TNFRSF10B: variants seen among roughly 807,000 people sequenced by gnomAD.
The protein encoded by TNFRSF10B is TNF receptor superfamily member 10b.
In TNFRSF10B, 35 loss-of-function variants were observed where a neutral mutation model predicts 41.4. The observed-to-expected ratio is 0.85, with a 90% CI of 0.65 to 1.12. The LOEUF is 1.12. TNFRSF10B is among the 50% of genes most tolerant of loss of function. The probability of loss-of-function intolerance (pLI) is 0.00; values close to 1 mark genes in which losing one functional copy is unlikely to be tolerated. For synonymous variants in TNFRSF10B, 230 were observed against 215.5 expected (o/e 1.07, Z -0.59); for missense variants, 584 against 552.7 (o/e 1.06, Z -0.57).
At chr8:23,058,490 G>GA (rs1212520425) in intron 1 of TNFRSF10B, among the ~76,000 whole-genome samples, 2 of 129,548 alleles carry the variant, frequency 1.5e-5, no homozygotes, top group East Asian at 6.1e-4. Flanking sequence ...TTGTGTATTG[G>GA]CTTTTTTTTT....
intron 1 of TNFRSF10B, among the ~76,000 whole-genome samples, chr8:23,059,366 T>C (rs1022688071): frequency 6.6e-6 from 1 of 152,270 alleles, no homozygotes; most frequent in Admixed American, 6.5e-5. Flanking sequence ...GTGGGAATGA[T>C]GGATCATCTG....
At chr8:23,047,357 C>CAAA (rs71206564) in intron 1 of TNFRSF10B, among the ~76,000 whole-genome samples, 1 of 108,400 alleles carries the variant, frequency 9.2e-6, no homozygotes, top group Non-Finnish European at 2.0e-5. Context: ...AATTTCATCT[C>CAAA]AAAAAAAAAA....
intron 2 of TNFRSF10B, among the ~76,000 whole-genome samples, chr8:23,033,269 C>T (rs1811930808): frequency 1.3e-5 from 2 of 152,020 alleles, no homozygotes; most frequent in African/African-American, 4.8e-5. Flanking sequence ...TAGATAATAG[C>T]TCAAAGGCAT....
chr8:23,037,180 T>C (rs553788224), intron 2 of TNFRSF10B, among the ~76,000 whole-genome samples: 2 of 152,314 alleles, frequency 1.3e-5, no homozygotes, highest in East Asian at 1.9e-4. Context: ...AGTCAGCTTC[T>C]TTCCCAGCCA....
intron 3 of TNFRSF10B, 50 bp from the exon 4 acceptor site, chr8:23,029,771 T>C (rs562738331): frequency 1.3e-6 from 2 of 1,559,374 alleles, no homozygotes; most frequent in African/African-American, 1.3e-5. Context: ...GATGTGTCCC[T>C]TGACCCTTCC....
At chr8:23,040,571 TC>T (rs1420953458) in intron 2 of TNFRSF10B, among the ~76,000 whole-genome samples, 5 of 150,150 alleles carry the variant, frequency 3.3e-5, no homozygotes, top group South Asian at 2.1e-4. Context: ...TAAAGTTTTT[TC>T]AAAAGGTGAT....
At position 23,067,532 on chromosome 8, in the gene TNFRSF10B, A is replaced by C. The variant is rs191161058; in HGVS notation, c.144+1219T>G. 1.5e-3 allele frequency among the ~76,000 whole-genome samples: 222 copies of C among 152,284 alleles called. 4 individuals are homozygous for C. Among genetic ancestry groups the C allele is most frequent in the South Asian group, 0.011 (55 of 4,826 alleles). ...ATCTTTAAAAGCAGCCAGAGACCAA[A>C]GATCCACCACCCAAAGAGAGGCAAG... On this transcript the variant is annotated intron_variant, in intron 1 of 8. Coordinates refer to ENST00000276431, the MANE Select transcript of TNFRSF10B (RefSeq NM_003842.5).
chr8:23,020,964 C>A lies in TNFRSF10B; in HGVS notation c.*1707G>T, dbSNP rs781026746. The A allele has an allele frequency of 6.6e-6, 3 of 453,896 alleles. No homozygotes were observed. The highest frequency in any genetic ancestry group is 2.4e-5 in the Admixed American group (1 of 42,542). 28.1% of individuals were successfully genotyped at this position (453,896 alleles called of 1,614,324 possible). On this transcript the variant is annotated 3_prime_UTR_variant, in exon 9 of 9. Coordinates refer to ENST00000276431, the MANE Select transcript of TNFRSF10B (RefSeq NM_003842.5). ...GGAAGTGCAAAGACCAGAAAGGTCA[C>A]CCCCCACTCCTAAAACTCCACAGAC...
At chr8:23,034,104 T>C (rs1489236678) in intron 2 of TNFRSF10B, among the ~76,000 whole-genome samples, 2 of 152,214 alleles carry the variant, frequency 1.3e-5, no homozygotes, top group Non-Finnish European at 2.9e-5. Flanking sequence ...TTGATGTTAA[T>C]GGGCACACAA....
rs114897908 is a variant in TNFRSF10B at position 23,059,833 on chromosome 8, T to A, written c.144+8918A>T. Among the ~76,000 whole-genome samples the A allele has an allele frequency of 9.0e-3, 1,373 of 152,296 alleles. 28 individuals are homozygous for A. Among genetic ancestry groups the A allele is most frequent in the African/African-American group, 0.032 (1,320 of 41,562 alleles). ...GGCCTGTGTGTGTTTTTTATAATAG[T>A]CATCCTGATGGGTATAGGATGGTAT... is the stretch of plus-strand genomic sequence containing the variant. On this transcript the variant is annotated intron_variant, in intron 1 of 8. Transcript: ENST00000276431.
intron 1 of TNFRSF10B, among the ~76,000 whole-genome samples, chr8:23,065,506 T>C (rs1812956009): frequency 6.6e-6 from 1 of 152,148 alleles, no homozygotes; most frequent in East Asian, 1.9e-4. Flanking sequence ...GAGACTAGAT[T>C]GTGGACCACT....
At chr8:23,036,387 CT>C (rs1812030543) in intron 2 of TNFRSF10B, among the ~76,000 whole-genome samples, 1 of 152,196 alleles carries the variant, frequency 6.6e-6, no homozygotes, top group South Asian at 2.1e-4. Context: ...ATATTACTTT[CT>C]TTTGCCTGGC....
chr8:23,058,470 C>G (rs928800816), intron 1 of TNFRSF10B, among the ~76,000 whole-genome samples: 2 of 150,390 alleles, frequency 1.3e-5, no homozygotes, highest in African/African-American at 4.9e-5. Flanking sequence ...GTTTTAGAAT[C>G]CCATTTTAAT....
chr8:23,048,926 A>T (rs1354931540), intron 1 of TNFRSF10B, among the ~76,000 whole-genome samples: 1 of 152,330 alleles, frequency 6.6e-6, no homozygotes, highest in East Asian at 1.9e-4. Context: ...TACAATAAAA[A>T]TTTTTAAAAA....
intron 1 of TNFRSF10B, among the ~76,000 whole-genome samples, chr8:23,043,575 TC>T (rs1324538419): frequency 2.6e-5 from 4 of 152,230 alleles, no homozygotes; most frequent in Admixed American, 6.5e-5. Flanking sequence ...CCACTATTTT[TC>T]CATAGGTATG....
intron 5 of TNFRSF10B, 170 bp downstream of exon 5, chr8:23,028,161 C>T (rs533381781): frequency 3.5e-6 from 3 of 852,926 alleles, no homozygotes; most frequent in Admixed American, 4.5e-5. Flanking sequence ...AGACCAGGGT[C>T]CTGGGGGGTG....
chr8:23,066,268 G>A (rs1812976221), intron 1 of TNFRSF10B, among the ~76,000 whole-genome samples: 1 of 152,110 alleles, frequency 6.6e-6, no homozygotes, highest in South Asian at 2.1e-4. Flanking sequence ...GGGTGACAGA[G>A]TAAGACCCTG....
At chr8:23,041,095 G>C (rs1314446973) in intron 2 of TNFRSF10B, among the ~76,000 whole-genome samples, 1 of 146,060 alleles carries the variant, frequency 6.8e-6, no homozygotes, top group Non-Finnish European at 1.5e-5. Context: ...GTCTCACTCT[G>C]TCACCCAGGC....
chr8:23,060,953 T>C (rs759926275), intron 1 of TNFRSF10B, among the ~76,000 whole-genome samples: 3 of 152,204 alleles, frequency 2.0e-5, no homozygotes, highest in African/African-American at 4.8e-5. Context: ...AGAAATGCAA[T>C]TGACTTTTCC....
Sources: gnomAD v4.1 joint callset for allele counts (sites outside exome capture counted in the v4.1 genomes callset) on GRCh38, gnomAD v4.1.1 for gene constraint, MANE v1.5 for transcripts, NCBI Gene and HGNC (gene_info 2026-07-23, HGNC 2026-07-21) for gene names.